TENM2: variants seen among roughly 807,000 people sequenced by gnomAD.
TENM2 encodes the protein teneurin-2.
TENM2 carries 52 observed loss-of-function variants against 245.2 expected under a neutral mutation model. The ratio of observed to expected loss-of-function variants is 0.21; its 90% CI spans 0.17 to 0.27. The LOEUF (loss-of-function observed/expected upper bound fraction) is 0.27. Among genes scored for constraint, TENM2 ranks in the 10% least tolerant of loss-of-function variants. The pLI, the probability that TENM2 is intolerant of heterozygous loss-of-function variation, is 1.00. For missense variants in TENM2, 3,046 were observed against 3,666.8 expected (o/e 0.83, Z 4.37); for synonymous variants, 1,363 against 1,438.9 (o/e 0.95, Z 1.19).
the TENM2 span, among the ~76,000 whole-genome samples, chr5:167,025,588 AGACG>A: frequency 6.6e-6 from 1 of 152,206 alleles, no homozygotes; most frequent in South Asian, 2.1e-4. Flanking sequence ...GGGAAACACT[AGACG>A]GTAAGTGTAA....
chr5:167,952,591 C>T (rs1780199135), exon 4 of TENM2: 2 of 1,607,028 alleles, frequency 1.2e-6, no homozygotes, highest in Middle Eastern at 1.7e-4. Flanking sequence ...TTTTCAGGCC[C>T]TCCGAACCAC....
At chr5:167,142,100 A>C in the TENM2 span, among the ~76,000 whole-genome samples, 1 of 152,188 alleles carries the variant, frequency 6.6e-6, no homozygotes, top group African/African-American at 2.4e-5. Flanking sequence ...GAGTAGAGTT[A>C]ATATTAAAAA....
the TENM2 span, among the ~76,000 whole-genome samples, chr5:167,251,466 C>A: frequency 2.0e-5 from 3 of 152,086 alleles, no homozygotes; most frequent in Non-Finnish European, 2.9e-5. Context: ...TAATGTCTTA[C>A]AGTGTCCTTC....
At chr5:167,754,678 C>G (rs1762174787) in intron 2 of TENM2, among the ~76,000 whole-genome samples, 1 of 150,176 alleles carries the variant, frequency 6.7e-6, no homozygotes, top group South Asian at 2.1e-4. Context: ...TGCATTCCTG[C>G]ACACACATGT....
intron 20 of TENM2, among the ~76,000 whole-genome samples, chr5:168,212,449 C>T (rs746566320): frequency 6.6e-6 from 1 of 152,186 alleles, no homozygotes; most frequent in Non-Finnish European, 1.5e-5. Context: ...ATAGTGTGAG[C>T]TTTCTTAAGG....
chr5:167,708,089 C>T (rs936316668), intron 2 of TENM2, among the ~76,000 whole-genome samples: 1 of 152,088 alleles, frequency 6.6e-6, no homozygotes, highest in South Asian at 2.1e-4. Flanking sequence ...ACAAATCGAT[C>T]TTATCTGAAA....
At chr5:167,892,516 G>T (rs1339873153) in intron 3 of TENM2, among the ~76,000 whole-genome samples, 3 of 152,196 alleles carry the variant, frequency 2.0e-5, no homozygotes, top group Non-Finnish European at 2.9e-5. Context: ...CATGAGGGGA[G>T]AGCTTACACA....
intron 2 of TENM2, among the ~76,000 whole-genome samples, chr5:167,434,289 C>T (rs1764412173): frequency 2.0e-5 from 3 of 151,370 alleles, no homozygotes; most frequent in Non-Finnish European, 4.4e-5. Context: ...GATATGGTGG[C>T]AGGTGCCCGT....
intron 2 of TENM2, among the ~76,000 whole-genome samples, chr5:167,577,121 G>T (rs746124138): frequency 1.9e-4 from 29 of 152,132 alleles, no homozygotes; most frequent in Non-Finnish European, 3.7e-4. Flanking sequence ...AGGAGCCCAG[G>T]AATCTCGTAC....
At chr5:167,287,480 A>C (rs1282959450) in intron 1 of TENM2, 1 of 152,198 alleles carries the variant, frequency 6.6e-6, no homozygotes, top group East Asian at 1.9e-4. Flanking sequence ...TAAAACAAAC[A>C]CACTTCTCAC....
At chr5:167,040,023 C>G in the TENM2 span, among the ~76,000 whole-genome samples, 1 of 152,100 alleles carries the variant, frequency 6.6e-6, no homozygotes, top group African/African-American at 2.4e-5. Flanking sequence ...AGAGACACAG[C>G]CTTCTGTCTG....
rs144920978 is a variant in TENM2 at position 168,030,241 on chromosome 5, G to A, written c.1187-17186G>A. 5.9e-3 allele frequency among the ~76,000 whole-genome samples: 762 copies of A among 129,898 alleles called. 5 individuals are homozygous for A. Among genetic ancestry groups the A allele is most frequent in the African/African-American group, 0.022 (741 of 33,132 alleles). 85.2% of individuals were successfully genotyped at this position (129,898 alleles called of 152,430 possible). A position where few individuals can be genotyped will look rare whatever the true frequency, so the allele number is the denominator to read the frequency against. On this transcript the variant is annotated intron_variant, in intron 5 of 28. Transcript: ENST00000518659. ...TTTTCCATATTGCGTCCTCCCAGCT[G>A]CTTCTGACACACTACCTGTATGGGC... is the stretch of plus-strand genomic sequence containing the variant.
intron 2 of TENM2, among the ~76,000 whole-genome samples, chr5:167,449,521 TAGATAGATAGATAGATAGATA>T (rs1486650799): frequency 1.4e-5 from 1 of 73,970 alleles, no homozygotes; most frequent in African/African-American, 5.2e-5. Context: ...GATAGATAGA[TAGATAGATAGATAGATAGATA>T]GATAGATAGA....
rs536342042 is a variant in TENM2, at chr5:168,055,069, C to G, written c.1310-6991C>G. The stretch of plus-strand genomic sequence containing the variant: ...CCAGGGTGCCAGGCCTAGTCATTGC[C>G]TAGAACCCAAGGATACCAGTGAGAT... On this transcript the variant is annotated intron_variant, in intron 6 of 28. Transcript: ENST00000518659. Among the ~76,000 whole-genome samples, 4 of 152,240 alleles carry G rather than the reference C, an allele frequency of 2.6e-5. No individual in the cohort carries two copies. The East Asian group carries it at 7.7e-4, about 29-fold the overall frequency.
At chr5:168,223,376 G>C (rs775315337) in intron 23 of TENM2, among the ~76,000 whole-genome samples, 22 of 151,884 alleles carry the variant, frequency 1.4e-4, no homozygotes, top group African/African-American at 4.4e-4. Context: ...TAGACACCCC[G>C]TATCCAAATA....
chr5:167,791,439 A>ATATATAATATATTATATAGATTATATATT (rs1764956676), intron 2 of TENM2, among the ~76,000 whole-genome samples: 1 of 145,242 alleles, frequency 6.9e-6, no homozygotes, highest in East Asian at 2.0e-4. Flanking sequence ...TTATATATTT[A>ATATATAATATATTATATAGATTATATATT]TATATAATAT....
At chr5:167,784,363 G>T (rs1764421925) in intron 2 of TENM2, among the ~76,000 whole-genome samples, 4 of 152,214 alleles carry the variant, frequency 2.6e-5, no homozygotes, top group Admixed American at 2.6e-4. Context: ...TCCATAGAAT[G>T]TATGTAGTGA....
At chr5:167,163,793 A>G in the TENM2 span, among the ~76,000 whole-genome samples, 1 of 152,140 alleles carries the variant, frequency 6.6e-6, no homozygotes, top group Non-Finnish European at 1.5e-5. Flanking sequence ...ATTTTACTGT[A>G]TCTATAATAA....
intron 2 of TENM2, among the ~76,000 whole-genome samples, chr5:167,822,136 A>G (rs563386353): frequency 1.2e-4 from 19 of 152,134 alleles, no homozygotes; most frequent in Non-Finnish European, 2.4e-4. Context: ...TCTTTGGGAA[A>G]GAGCATGCCC....
Sources: gnomAD v4.1 joint callset for allele counts (sites outside exome capture counted in the v4.1 genomes callset) on GRCh38, gnomAD v4.1.1 for gene constraint, MANE v1.5 for transcripts, NCBI Gene and HGNC (gene_info 2026-07-23, HGNC 2026-07-21) for gene names.